Variants in SLC18B1 observed in about 807,000 individuals in gnomAD.
The protein encoded by SLC18B1 is solute carrier family 18 member B1, also known as MFS-type transporter SLC18B1.
Under a neutral mutation model 53.9 loss-of-function variants are expected in SLC18B1, and 62 were observed. The ratio of observed to expected loss-of-function variants is 1.15; its 90% CI spans 0.94 to 1.42. The LOEUF is 1.42. Ranked by LOEUF, SLC18B1 falls within the 40% of genes most tolerant of loss-of-function variation. The pLI is 0.00. For missense variants in SLC18B1, 598 were observed against 547.3 expected (o/e 1.09, Z -0.93); for synonymous variants, 217 against 200.9 (o/e 1.08, Z -0.68).
intron 11 of SLC18B1, 36 bp from the exon 12 acceptor site, chr6:132,771,165 CA>C (rs756963399): frequency 1.3e-5 from 20 of 1,554,320 alleles, no homozygotes; most frequent in Admixed American, 1.8e-5. Context: ...TTCAATAGTG[CA>C]AAAAATAAAT....
At chr6:132,774,888 G>A (rs1026763643) in intron 8 of SLC18B1, among the ~76,000 whole-genome samples, 3 of 151,914 alleles carry the variant, frequency 2.0e-5, no homozygotes, top group Non-Finnish European at 4.4e-5. Context: ...TCCATCCTGG[G>A]CAACAGAGCA....
At chr6:132,781,838 T>G (rs1781245657) in intron 6 of SLC18B1, among the ~76,000 whole-genome samples, 1 of 150,270 alleles carries the variant, frequency 6.7e-6, no homozygotes, top group South Asian at 2.1e-4. Flanking sequence ...GCAGGATGAG[T>G]AAGGGTTAGG....
intron 11 of SLC18B1, among the ~76,000 whole-genome samples, chr6:132,771,636 T>C (rs185283223): frequency 2.5e-4 from 38 of 152,342 alleles, no homozygotes; most frequent in African/African-American, 7.5e-4. Flanking sequence ...ACTGTTGGTA[T>C]AGGCATTGAT....
intron 5 of SLC18B1, among the ~76,000 whole-genome samples, chr6:132,784,918 G>A (rs1471935036): frequency 1.3e-5 from 2 of 152,018 alleles, no homozygotes; most frequent in African/African-American, 4.8e-5. Flanking sequence ...TTATATGTAG[G>A]TACAGGAAGA....
rs531693836 is a variant in SLC18B1 at position 132,795,370 on chromosome 6, T to C, written c.183+1612A>G. 4.6e-5 allele frequency among the ~76,000 whole-genome samples: 7 copies of C among 152,296 alleles called. No individual in the cohort carries two copies. In the East Asian group the frequency reaches 1.2e-3, roughly 25 times the overall value. On this transcript the variant is annotated intron_variant, in intron 2 of 13. Transcript: ENST00000275227. ...AGGGACTCATTAAACCTCTAGTTAA[T>C]AGAACTGAATTGGGCAAGTCACAAC...
At chr6:132,790,376 G>A in intron 2 of SLC18B1, 104 bp from the exon 3 acceptor site, 2 of 694,368 alleles carry the variant, frequency 2.9e-6, no homozygotes, top group South Asian at 2.5e-5. Flanking sequence ...AACTTTATCT[G>A]TATATCAGTT....
Position 132,779,382 on chromosome 6 carries a change from T to C in SLC18B1, c.681A>G (p.Ser227=). The stretch of plus-strand genomic sequence containing the variant: ...TGGGTAAAGCGATCAGTTTCCAGAA[T>C]GAGTGTTCACCTGGATCAGACTCTT... ...PNYESDPGEH[S]FWKLIALPKV... Residue 227 remains serine (S), a synonymous_variant, in exon 7 of 14, where the codon TCA becomes TCG. Transcript: ENST00000275227. The C allele has an allele frequency of 6.2e-7, 1 of 1,612,074 alleles. No homozygotes were observed. The highest frequency in any genetic ancestry group is 1.3e-5 in the African/African-American group (1 of 74,758).
intron 7 of SLC18B1, 133 bp downstream of exon 7, chr6:132,779,135 A>C: frequency 2.1e-6 from 2 of 934,246 alleles, no homozygotes; most frequent in Non-Finnish European, 3.1e-6. Context: ...GGGACACGCT[A>C]CCTCGGTGTG....
chr6:132,773,112 C>T lies in SLC18B1; in HGVS notation c.990-24G>A, dbSNP rs201094453. On this transcript the variant is annotated intron_variant, in intron 9 of 13. Transcript: ENST00000275227. Reference sequence around the variant, plus strand: ...GACTGCAAAAGGGTTTTGGAGAAAACAAATACAAAAAGAAAAACATTAGCG... The same window carrying T: ...GACTGCAAAAGGGTTTTGGAGAAAATAAATACAAAAAGAAAAACATTAGCG... 1.1e-4 allele frequency: 169 copies of T among 1,550,228 alleles called. No individual in the cohort carries two copies. The African/African-American group carries it at 2.1e-3, about 19-fold the overall frequency.
chr6:132,796,119 C>T (rs1480507363), intron 2 of SLC18B1, among the ~76,000 whole-genome samples: 2 of 151,484 alleles, frequency 1.3e-5, no homozygotes, highest in Admixed American at 6.6e-5. Flanking sequence ...GAGGCGGAGG[C>T]GGGCAGATCA....
At chr6:132,776,053 A>C (rs187995757) in intron 8 of SLC18B1, among the ~76,000 whole-genome samples, 1 of 152,322 alleles carries the variant, frequency 6.6e-6, no homozygotes. Context: ...TGGACGACAA[A>C]GTTGGGGGAA....
intron 2 of SLC18B1, among the ~76,000 whole-genome samples, chr6:132,790,798 GA>G (rs1432771509): frequency 6.6e-6 from 1 of 152,176 alleles, no homozygotes; most frequent in Non-Finnish European, 1.5e-5. Context: ...ACAGTTTGGA[GA>G]AGACAGTTTT....
At chr6:132,775,226 C>T (rs978395395) in intron 8 of SLC18B1, among the ~76,000 whole-genome samples, 1 of 152,210 alleles carries the variant, frequency 6.6e-6, no homozygotes, top group Non-Finnish European at 1.5e-5. Flanking sequence ...AACAGGCCCT[C>T]ATCAGACATC....
chr6:132,798,577 C>G lies in SLC18B1; in HGVS notation c.-121G>C. ...GCTGCTCAGCTGGAACCTGGCATCC[C>G]CGACTCCCTGCAGGCAGCGATCCGC... On this transcript the variant is annotated 5_prime_UTR_variant, in exon 1 of 14. Coordinates refer to ENST00000275227, the MANE Select transcript of SLC18B1 (RefSeq NM_052831.3). 1 of 1,042,288 alleles carries G rather than the reference C, an allele frequency of 9.6e-7. No individual in the cohort carries two copies. Among genetic ancestry groups the G allele is most frequent in the Non-Finnish European group, 1.3e-6 (1 of 780,980 alleles). The allele number at this position is 1,042,288 out of a possible 1,614,324, so 64.6% of individuals were successfully genotyped here. A position where few individuals can be genotyped will look rare whatever the true frequency, so the allele number is the denominator to read the frequency against.
chr6:132,797,475 T>C (rs1781724538), intron 1 of SLC18B1, among the ~76,000 whole-genome samples: 1 of 152,118 alleles, frequency 6.6e-6, no homozygotes, highest in African/African-American at 2.4e-5. Context: ...GGCGGGCCCC[T>C]GTATCCCAGC....
intron 2 of SLC18B1, 34 bp downstream of exon 2, chr6:132,796,948 A>G (rs1237950885): frequency 6.4e-7 from 1 of 1,563,892 alleles, no homozygotes; most frequent in Admixed American, 2.1e-5. Flanking sequence ...ACAAACAAAA[A>G]AACAGAGGTC....
intron 6 of SLC18B1, among the ~76,000 whole-genome samples, chr6:132,782,948 T>C (rs1461731590): frequency 6.6e-6 from 1 of 151,984 alleles, no homozygotes; most frequent in Non-Finnish European, 1.5e-5. Context: ...CTAATTTTTG[T>C]ATTTTTAGTA....
At chr6:132,797,472 C>G (rs965191669) in intron 1 of SLC18B1, among the ~76,000 whole-genome samples, 9 of 152,170 alleles carry the variant, frequency 5.9e-5, no homozygotes, top group Non-Finnish European at 1.0e-4. Context: ...GGTGGCGGGC[C>G]CCTGTATCCC....
intron 6 of SLC18B1, among the ~76,000 whole-genome samples, chr6:132,779,649 GAGA>G (rs1003768720): frequency 6.6e-6 from 1 of 152,178 alleles, no homozygotes; most frequent in South Asian, 2.1e-4. Flanking sequence ...AGAGTGTGAG[GAGA>G]AGAAGGGGTC....
Sources: gnomAD v4.1 joint callset for allele counts (sites outside exome capture counted in the v4.1 genomes callset) on GRCh38, gnomAD v4.1.1 for gene constraint, MANE v1.5 for transcripts, NCBI Gene and HGNC (gene_info 2026-07-23, HGNC 2026-07-21) for gene names.